DOCK9: variants seen among roughly 807,000 people sequenced by gnomAD.
DOCK9 encodes dedicator of cytokinesis protein 9.
Under a neutral mutation model 263.3 loss-of-function variants are expected in DOCK9, and 89 were observed. The observed-to-expected ratio is 0.34, with a 90% CI of 0.28 to 0.40. DOCK9 has a LOEUF of 0.40. DOCK9 is among the 10% of genes least tolerant of loss of function. The probability of loss-of-function intolerance (pLI) is 1.00; values close to 1 mark genes in which losing one functional copy is unlikely to be tolerated. For synonymous variants in DOCK9, 976 were observed against 973.1 expected (o/e 1.00, Z -0.06); for missense variants, 2,140 against 2,603.4 (o/e 0.82, Z 3.87).
rs561997979 is a variant in DOCK9, at chr13:98,863,912, G to A, written c.3287-364C>T. On this transcript the variant is annotated intron_variant, in intron 30 of 52. Transcript: ENST00000682017. ...GTTTGTTATTGACAAAGTTAAAAACGTTATTATACTAGCTAACAGAACTGT... is the reference window on the plus strand; with the variant it reads ...GTTTGTTATTGACAAAGTTAAAAACATTATTATACTAGCTAACAGAACTGT... Among the ~76,000 whole-genome samples, 13 of 152,238 alleles carry A rather than the reference G, an allele frequency of 8.5e-5. No individual in the cohort carries two copies. In the South Asian group the frequency reaches 1.5e-3, roughly 17 times the overall value.
chr13:98,898,357 TACC>T, intron 13 of DOCK9, 96 bp from the exon 14 acceptor site: 1 of 865,136 alleles, frequency 1.2e-6, no homozygotes, highest in Non-Finnish European at 1.9e-6. Flanking sequence ...AATAAGTCCT[TACC>T]ATAGCATTGG....
chr13:98,979,427 A>G (rs1876531962), upstream of DOCK9, among the ~76,000 whole-genome samples: 1 of 152,140 alleles, frequency 6.6e-6, no homozygotes, highest in Admixed American at 6.5e-5. Context: ...AGTGGGGAGA[A>G]CTGAGATGCC....
intron 1 of DOCK9, chr13:99,015,773 T>C: frequency 7.6e-7 from 1 of 1,309,432 alleles, no homozygotes; most frequent in South Asian, 2.5e-5. Flanking sequence ...AATCCGCTCC[T>C]GCTCAACAGC....
At chr13:99,078,623 G>A (rs545495302) in intron 1 of DOCK9, among the ~76,000 whole-genome samples, 9 of 152,308 alleles carry the variant, frequency 5.9e-5, no homozygotes, top group Non-Finnish European at 1.2e-4. Context: ...GCCAAGGGCA[G>A]AGCCTGTGAC....
chr13:98,899,011 A>G (rs6491467), intron 13 of DOCK9, among the ~76,000 whole-genome samples: 16,895 of 149,078 alleles, frequency 0.11, 1,020 homozygotes, highest in Middle Eastern at 0.22. Flanking sequence ...GCAAAGTTTG[A>G]TTGTCTCAGA....
At chr13:99,032,428 A>G (rs753806492) in intron 1 of DOCK9, among the ~76,000 whole-genome samples, 2 of 151,506 alleles carry the variant, frequency 1.3e-5, no homozygotes, top group African/African-American at 2.4e-5. Context: ...GTGAGCTGAG[A>G]TCACACCACT....
At chr13:98,860,024 A>C in intron 33 of DOCK9, 2 of 247,522 alleles carry the variant, frequency 8.1e-6, no homozygotes, top group Non-Finnish European at 6.9e-6. Flanking sequence ...TGGAATTACT[A>C]TGTCATATTT....
At chr13:99,013,409 A>T (rs1346532292) in intron 1 of DOCK9, among the ~76,000 whole-genome samples, 1 of 152,114 alleles carries the variant, frequency 6.6e-6, no homozygotes, top group Non-Finnish European at 1.5e-5. Context: ...GCCACCACAC[A>T]CCTGGCCATG....
At position 98,825,043 on chromosome 13, in the gene DOCK9, G is replaced by A. The variant is rs1404629251; in HGVS notation, c.5024-539C>T. 6.6e-6 allele frequency among the ~76,000 whole-genome samples: 1 copy of A among 152,186 alleles called. No homozygotes were observed. The highest frequency in any genetic ancestry group is 1.5e-5 in the Non-Finnish European group (1 of 68,032). On this transcript the variant is annotated intron_variant, in intron 44 of 52. Coordinates refer to ENST00000682017, the MANE Select transcript of DOCK9 (RefSeq NM_001366683.2). This position sits in a 1 kb window ranked among gnomAD's most constrained non-coding sequence, Gnocchi z 4.1. ...GGTGAGCAGACAGGCTGCCTTAGCTGGTTCCCACCCCAGAGGCCCCGGGGT... is the reference window on the plus strand; with the variant it reads ...GGTGAGCAGACAGGCTGCCTTAGCTAGTTCCCACCCCAGAGGCCCCGGGGT...
In DOCK9 at chr13:98,815,574, G is replaced by A. The variant is rs140462027; in HGVS notation, c.5131-5283C>T. Among the ~76,000 whole-genome samples, 29 of 152,156 alleles carry A rather than the reference G, an allele frequency of 1.9e-4. No individual in the cohort carries two copies. In the East Asian group the frequency reaches 4.3e-3, roughly 22 times the overall value. Reference sequence around the variant, plus strand: ...TGGCTCACTGCAAGCTCTGCCTCCCGGGTTCATGGCCATTCTCCTATCTCA... The same window carrying A: ...TGGCTCACTGCAAGCTCTGCCTCCCAGGTTCATGGCCATTCTCCTATCTCA... On this transcript the variant is annotated intron_variant, in intron 45 of 52. Coordinates refer to ENST00000682017, the MANE Select transcript of DOCK9 (RefSeq NM_001366683.2).
At chr13:98,930,056 G>T (rs923455254) in intron 3 of DOCK9, 112 bp downstream of exon 3, 1 of 951,020 alleles carries the variant, frequency 1.1e-6, no homozygotes, top group Non-Finnish European at 1.6e-6. Context: ...TTCCATCATA[G>T]AAATACAATT....
chr13:99,052,353 C>A (rs1415409295), intron 1 of DOCK9, among the ~76,000 whole-genome samples: 1 of 152,188 alleles, frequency 6.6e-6, no homozygotes, highest in East Asian at 1.9e-4. Flanking sequence ...TGCCAGCACA[C>A]AGCTTACTTC....
chr13:98,887,641 A>AAAG (rs1555384316), intron 18 of DOCK9, among the ~76,000 whole-genome samples: 1 of 140,850 alleles, frequency 7.1e-6, no homozygotes, highest in East Asian at 2.1e-4. Context: ...AAAAAAAAAA[A>AAAG]GGATAATAAT....
chr13:98,969,559 G>C (rs1479270874), intron 1 of DOCK9, among the ~76,000 whole-genome samples: 3 of 152,184 alleles, frequency 2.0e-5, no homozygotes, highest in South Asian at 2.1e-4. Context: ...CCGTTAGTGA[G>C]GGAGACTGGA....
At chr13:98,895,893 C>A (rs1341621452) in intron 15 of DOCK9, among the ~76,000 whole-genome samples, 1 of 152,124 alleles carries the variant, frequency 6.6e-6, no homozygotes, top group Non-Finnish European at 1.5e-5. Flanking sequence ...ACTCCCTGGC[C>A]AAGACCTGTG....
upstream of DOCK9, among the ~76,000 whole-genome samples, chr13:98,981,650 A>G (rs1372013014): frequency 1.3e-5 from 2 of 152,176 alleles, no homozygotes; most frequent in East Asian, 3.8e-4. Flanking sequence ...CTTTCCCATC[A>G]CACAACTTCT....
At chr13:98,889,613 G>A (rs556889891) in intron 15 of DOCK9, among the ~76,000 whole-genome samples, 5 of 152,140 alleles carry the variant, frequency 3.3e-5, no homozygotes, top group African/African-American at 9.7e-5. Context: ...CTGATTCAGC[G>A]GTTTTGACAC....
Position 98,794,241 on chromosome 13 carries a change from G to A in DOCK9, c.*385C>T, listed in dbSNP as rs760152956. 2.1e-5 allele frequency: 4 copies of A among 188,274 alleles called. No homozygotes were observed. Among genetic ancestry groups the A allele is most frequent in the Non-Finnish European group, 3.3e-5 (3 of 92,016 alleles). 11.7% of individuals were successfully genotyped at this position (188,274 alleles called of 1,614,324 possible). On this transcript the variant is annotated 3_prime_UTR_variant, in exon 53 of 53. Coordinates refer to ENST00000682017, the MANE Select transcript of DOCK9 (RefSeq NM_001366683.2). ...TTTCAAGATTTTCCAGCTCAGCCTCGAGGCAAAAGGTCCCCCAGGCATCAA... is the reference window on the plus strand; with the variant it reads ...TTTCAAGATTTTCCAGCTCAGCCTCAAGGCAAAAGGTCCCCCAGGCATCAA...
chr13:99,075,605 T>C (rs1031611014), intron 1 of DOCK9, among the ~76,000 whole-genome samples: 10 of 151,978 alleles, frequency 6.6e-5, no homozygotes, highest in Non-Finnish European at 1.2e-4. Flanking sequence ...GGCTCAAGCA[T>C]TGCCCCACCT....
Sources: gnomAD v4.1 joint callset for allele counts (sites outside exome capture counted in the v4.1 genomes callset) on GRCh38, gnomAD v4.1.1 for gene constraint, Gnocchi (gnomAD v3.1) non-coding constraint, MANE v1.5 for transcripts, NCBI Gene and HGNC (gene_info 2026-07-23, HGNC 2026-07-21) for gene names.